NR3C2: variants seen among roughly 807,000 people sequenced by gnomAD.
NR3C2 encodes the protein mineralocorticoid receptor.
Under a neutral mutation model 86.4 loss-of-function variants are expected in NR3C2, and 15 were observed. The observed-to-expected ratio is 0.17, with a 90% CI of 0.12 to 0.27. The LOEUF is 0.27. Ranked by LOEUF, NR3C2 falls within the 10% of genes least tolerant of loss-of-function variation. The probability of loss-of-function intolerance (pLI) is 1.00; values close to 1 mark genes in which losing one functional copy is unlikely to be tolerated. For missense variants in NR3C2, 960 were observed against 1,195.6 expected (o/e 0.80, Z 2.91); for synonymous variants, 458 against 450.5 (o/e 1.02, Z -0.21).
chr4:148,396,600 C>G (rs1747872421), intron 2 of NR3C2, among the ~76,000 whole-genome samples: 1 of 152,178 alleles, frequency 6.6e-6, no homozygotes, highest in Non-Finnish European at 1.5e-5. Context: ...GCACAACCTT[C>G]ATACCATGAC....
At chr4:148,105,331 T>C (rs1043953609) in intron 8 of NR3C2, among the ~76,000 whole-genome samples, 1 of 151,670 alleles carries the variant, frequency 6.6e-6, no homozygotes, top group Non-Finnish European at 1.5e-5. Context: ...CTCAAGACTA[T>C]ATTGAATCCC....
At chr4:148,199,018 G>A (rs1184176621) in intron 3 of NR3C2, among the ~76,000 whole-genome samples, 21 of 150,254 alleles carry the variant, frequency 1.4e-4, no homozygotes, top group Admixed American at 2.6e-4. Flanking sequence ...CCCGGGAGGC[G>A]GAGCTTGCAG....
At chr4:148,145,674 G>C (rs1318410018) in intron 6 of NR3C2, among the ~76,000 whole-genome samples, 1 of 152,206 alleles carries the variant, frequency 6.6e-6, no homozygotes, top group African/African-American at 2.4e-5. Context: ...GCCACCTGCA[G>C]GGGGGTGCTG....
At chr4:148,085,091 T>A (rs1730751534) in intron 8 of NR3C2, among the ~76,000 whole-genome samples, 1 of 152,074 alleles carries the variant, frequency 6.6e-6, no homozygotes. Context: ...ATTAGATCAA[T>A]GAGACAGAAA....
intron 2 of NR3C2, among the ~76,000 whole-genome samples, chr4:148,409,155 C>T (rs1190808726): frequency 2.0e-5 from 3 of 152,072 alleles, no homozygotes; most frequent in Non-Finnish European, 4.4e-5. Context: ...AACGGCTTTC[C>T]AGAAAGGATA....
At chr4:148,361,746 C>G (rs979264024) in intron 2 of NR3C2, among the ~76,000 whole-genome samples, 1 of 152,172 alleles carries the variant, frequency 6.6e-6, no homozygotes, top group Non-Finnish European at 1.5e-5. Context: ...GTGTACCTTA[C>G]TTTTAATGGT....
intron 2 of NR3C2, among the ~76,000 whole-genome samples, chr4:148,407,336 T>A (rs72658633): frequency 1.3e-3 from 199 of 152,312 alleles, no homozygotes; most frequent in African/African-American, 4.5e-3. Context: ...ATTGTTTTAT[T>A]CAACTAAAGA....
chr4:148,346,593 T>G (rs563614780), intron 2 of NR3C2, among the ~76,000 whole-genome samples: 1 of 152,038 alleles, frequency 6.6e-6, no homozygotes, highest in Non-Finnish European at 1.5e-5. Flanking sequence ...ACTAGCCACA[T>G]GTTGTCTATG....
At chr4:148,250,585 T>C (rs1440618268) in intron 3 of NR3C2, among the ~76,000 whole-genome samples, 1 of 152,196 alleles carries the variant, frequency 6.6e-6, no homozygotes, top group Non-Finnish European at 1.5e-5. Flanking sequence ...TAAGCCAATC[T>C]ACTGCCAAAC....
chr4:148,113,547 C>T (rs1732137629), intron 8 of NR3C2, among the ~76,000 whole-genome samples: 1 of 152,092 alleles, frequency 6.6e-6, no homozygotes, highest in Non-Finnish European at 1.5e-5. Flanking sequence ...CAGTTTTTAA[C>T]TCTTGCTGCT....
intron 2 of NR3C2, among the ~76,000 whole-genome samples, chr4:148,311,654 T>C (rs1742904988): frequency 6.6e-6 from 1 of 152,214 alleles, no homozygotes; most frequent in South Asian, 2.1e-4. Context: ...ATGAGTCAGA[T>C]GCCATTCATT....
chr4:148,360,769 G>A (rs543078248), intron 2 of NR3C2, among the ~76,000 whole-genome samples: 1 of 152,242 alleles, frequency 6.6e-6, no homozygotes, highest in African/African-American at 2.4e-5. Context: ...CTATATGCCA[G>A]GTATTTTAAT....
At chr4:148,203,435 T>C (rs895690903) in intron 3 of NR3C2, among the ~76,000 whole-genome samples, 1 of 151,964 alleles carries the variant, frequency 6.6e-6, no homozygotes, top group Non-Finnish European at 1.5e-5. Context: ...TTTGTTGTCC[T>C]GCTGCAAGAT....
chr4:148,336,204 T>C (rs1744479305), intron 2 of NR3C2, among the ~76,000 whole-genome samples: 1 of 152,102 alleles, frequency 6.6e-6, no homozygotes, highest in Non-Finnish European at 1.5e-5. Flanking sequence ...AAGCATGCCT[T>C]TGAGAGCTGC....
chr4:148,435,099 C>G lies in NR3C2; in HGVS notation c.1757+5G>C. The G allele has an allele frequency of 3.7e-6, 6 of 1,614,118 alleles. No individual in the cohort carries two copies. Among genetic ancestry groups the G allele is most frequent in the Non-Finnish European group, 5.1e-6 (6 of 1,179,970 alleles). On this transcript the variant is annotated splice_donor_5th_base_variant and intron_variant, in intron 2 of 8. Coordinates refer to ENST00000358102, the MANE Select transcript of NR3C2 (RefSeq NM_000901.5). ...CTTCCAAAAAAATGGAGAAAACCAACTTACCTTGATACATTTTCTGGAATG... is the reference window on the plus strand; with the variant it reads ...CTTCCAAAAAAATGGAGAAAACCAAGTTACCTTGATACATTTTCTGGAATG...
chr4:148,373,100 T>C (rs1296476578), intron 2 of NR3C2, among the ~76,000 whole-genome samples: 1 of 152,230 alleles, frequency 6.6e-6, no homozygotes, highest in East Asian at 1.9e-4. Context: ...GATTTCCTCC[T>C]GAATAACTTT....
chr4:148,359,428 C>T (rs889562690), intron 2 of NR3C2, among the ~76,000 whole-genome samples: 4 of 152,134 alleles, frequency 2.6e-5, no homozygotes, highest in South Asian at 2.1e-4. Flanking sequence ...GTTAGATGTA[C>T]GATCTATACC....
chr4:148,288,209 C>T (rs1741626099), intron 2 of NR3C2, among the ~76,000 whole-genome samples: 1 of 152,146 alleles, frequency 6.6e-6, no homozygotes, highest in Admixed American at 6.6e-5. Flanking sequence ...TCTCTAGCTC[C>T]GTGTCTTTCT....
At chr4:148,354,904 C>T (rs747771176) in intron 2 of NR3C2, among the ~76,000 whole-genome samples, 1 of 151,954 alleles carries the variant, frequency 6.6e-6, no homozygotes, top group Non-Finnish European at 1.5e-5. Flanking sequence ...AGAACAAAAA[C>T]ATTATACTCC....
Sources: gnomAD v4.1 joint callset for allele counts (sites outside exome capture counted in the v4.1 genomes callset) on GRCh38, gnomAD v4.1.1 for gene constraint, MANE v1.5 for transcripts, NCBI Gene and HGNC (gene_info 2026-07-23, HGNC 2026-07-21) for gene names.